FSD1: variants seen among roughly 807,000 people sequenced by gnomAD.
The protein encoded by FSD1 is fibronectin type III and SPRY domain-containing protein 1.
A neutral mutation model predicts 58.2 loss-of-function variants in FSD1; 23 were observed. The observed-to-expected ratio is 0.40, with a 90% confidence interval of 0.28 to 0.56. The LOEUF (loss-of-function observed/expected upper bound fraction) is 0.56. Among genes scored for constraint, FSD1 ranks in the 20% least tolerant of loss-of-function variants. The pLI is 0.54. For missense variants in FSD1, 563 were observed against 670.8 expected (o/e 0.84, Z 1.78); for synonymous variants, 265 against 263.4 (o/e 1.01, Z -0.06).
chr19:4,314,061 C>G (rs968512923), intron 7 of FSD1, among the ~76,000 whole-genome samples: 14 of 152,028 alleles, frequency 9.2e-5, no homozygotes, highest in Admixed American at 8.5e-4. Flanking sequence ...CCATCCTGAT[C>G]CAGGGGAATC....
In FSD1 at chr19:4,313,182, T is replaced by TA. The variant is rs879330817; in HGVS notation, c.700+1145dup. ...GGGTAACAAAGCAAGAGCCCATCTA[T>TA]AAAAAAAAAAAAAATTTAAAGTTAC... On this transcript the variant is annotated intron_variant, in intron 7 of 12. Coordinates refer to ENST00000221856, the MANE Select transcript of FSD1 (RefSeq NM_024333.3). Among the ~76,000 whole-genome samples, 219 of 133,788 alleles carry TA rather than the reference T, an allele frequency of 1.6e-3. 1 individual carries two copies. The highest frequency in any genetic ancestry group is 0.012 in the Middle Eastern group (3 of 246). 87.8% of individuals were successfully genotyped at this position (133,788 alleles called of 152,430 possible). A position where few individuals can be genotyped will look rare whatever the true frequency, so the allele number is the denominator to read the frequency against.
chr19:4,308,657 A>G (rs1971652220), intron 4 of FSD1, among the ~76,000 whole-genome samples: 1 of 152,172 alleles, frequency 6.6e-6, no homozygotes, highest in South Asian at 2.1e-4. Flanking sequence ...GGAGATCAAG[A>G]CCATCCTAAC....
intron 7 of FSD1, among the ~76,000 whole-genome samples, chr19:4,314,114 C>T (rs1332605853): frequency 5.9e-5 from 9 of 152,092 alleles, no homozygotes; most frequent in Admixed American, 5.2e-4. Flanking sequence ...TTAACTATCA[C>T]CATTCACTAG....
At chr19:4,307,820 C>T (rs1425483175) in intron 3 of FSD1, 62 bp from the exon 4 acceptor site, 9 of 1,216,898 alleles carry the variant, frequency 7.4e-6, no homozygotes, top group Non-Finnish European at 1.1e-5. Flanking sequence ...GGGTGGGGAG[C>T]CCTCAGGGGG....
rs918724570 is a variant in FSD1 at position 4,323,047 on chromosome 19, G to A, written c.1101G>A (p.Lys367=). ...AGGTGCGCTACGAGCCGGACAGCAA[G>A]GCGTTCGGCGTGGGCGTGGCCTACC... is the stretch of plus-strand genomic sequence containing the variant. ...YWEVRYEPDS[K]AFGVGVAYRS... The change falls in exon 11 of 13, where the codon AAG becomes AAA. Residue 367 remains lysine, a synonymous_variant. Transcript: ENST00000221856. The surrounding 1 kb of genome is among the most constrained non-coding windows in gnomAD (Gnocchi z 7.7). 2 of 1,612,120 alleles carry A rather than the reference G, an allele frequency of 1.2e-6. No homozygotes were observed. Among genetic ancestry groups the A allele is most frequent in the African/African-American group, 1.3e-5 (1 of 74,980 alleles).
At chr19:4,319,922 GCTC>G (rs1971795862) in intron 10 of FSD1, among the ~76,000 whole-genome samples, 1 of 152,140 alleles carries the variant, frequency 6.6e-6, no homozygotes, top group Non-Finnish European at 1.5e-5. Context: ...AGAAGCTGAA[GCTC>G]ATGGAATAGC....
At chr19:4,314,699 C>G (rs1220146655) in intron 7 of FSD1, among the ~76,000 whole-genome samples, 1 of 152,238 alleles carries the variant, frequency 6.6e-6, no homozygotes, top group Non-Finnish European at 1.5e-5. Context: ...GTTGACCAGG[C>G]TGGTCTCTAA....
intron 4 of FSD1, among the ~76,000 whole-genome samples, chr19:4,309,888 G>C (rs879220810): frequency 7.2e-6 from 1 of 138,838 alleles, no homozygotes; most frequent in Non-Finnish European, 1.5e-5. Context: ...CAGCCTGAAC[G>C]ACAGAGCAAG....
At chr19:4,310,428 G>T in intron 5 of FSD1, 47 bp from the exon 6 acceptor site, 2 of 1,604,740 alleles carry the variant, frequency 1.2e-6, no homozygotes, top group South Asian at 1.1e-5. Flanking sequence ...CGCCACGGAT[G>T]ACCAGGCCTG....
At chr19:4,315,402 G>A (rs1315112304) in intron 7 of FSD1, among the ~76,000 whole-genome samples, 10 of 141,622 alleles carry the variant, frequency 7.1e-5, no homozygotes, top group East Asian at 6.2e-4. Flanking sequence ...TCCGCCTCCC[G>A]GGTTCACGCC....
chr19:4,310,306 G>A lies in FSD1; in HGVS notation c.368+11G>A, dbSNP rs549130691. On this transcript the variant is annotated intron_variant, in intron 5 of 12. Transcript: ENST00000221856. ...GCAAATCAAAGATGGGTAAGACACT[G>A]GGGTCTGGCCCCCACCCCACTACCC... is the stretch of plus-strand genomic sequence containing the variant. 1 of 1,613,916 alleles carries A rather than the reference G, an allele frequency of 6.2e-7. No individual in the cohort carries two copies. Among genetic ancestry groups the A allele is most frequent in the South Asian group, 1.1e-5 (1 of 91,080 alleles).
At chr19:4,307,074 A>G (rs1481675668) in intron 3 of FSD1, among the ~76,000 whole-genome samples, 1 of 147,760 alleles carries the variant, frequency 6.8e-6, no homozygotes, top group Non-Finnish European at 1.5e-5. Context: ...TTTTGTTTTG[A>G]GACAGAGTCT....
intron 4 of FSD1, among the ~76,000 whole-genome samples, chr19:4,308,232 A>G (rs893462334): frequency 6.6e-6 from 1 of 151,866 alleles, no homozygotes; most frequent in African/African-American, 2.4e-5. Context: ...ACACGGGGAA[A>G]CCCCATCTCT....
At chr19:4,318,275 GTC>G in intron 8 of FSD1, 69 bp from the exon 9 acceptor site, 1 of 1,602,058 alleles carries the variant, frequency 6.2e-7, no homozygotes, top group South Asian at 1.1e-5. Flanking sequence ...GTCACTCTCT[GTC>G]TCTCTGTCTC....
chr19:4,306,887 C>T (rs937402169), intron 3 of FSD1, among the ~76,000 whole-genome samples: 2 of 152,162 alleles, frequency 1.3e-5, no homozygotes, highest in African/African-American at 2.4e-5. Context: ...GAAGGTATCA[C>T]CTCCACTCAA....
chr19:4,309,029 C>G (rs547824443), intron 4 of FSD1, among the ~76,000 whole-genome samples: 1 of 152,080 alleles, frequency 6.6e-6, no homozygotes, highest in African/African-American at 2.4e-5. Context: ...GAGCAGAGAT[C>G]GCACCACTGC....
chr19:4,305,898 G>T (rs755678119), intron 1 of FSD1, 48 bp from the exon 2 acceptor site: 1 of 1,347,812 alleles, frequency 7.4e-7, no homozygotes, highest in Non-Finnish European at 1.1e-6. Flanking sequence ...ACCTGTGTGC[G>T]CACATGTGTG....
intron 10 of FSD1, among the ~76,000 whole-genome samples, chr19:4,321,228 T>A (rs1487729438): frequency 3.0e-5 from 4 of 135,296 alleles, no homozygotes; most frequent in Admixed American, 1.6e-4. Context: ...CTGGGGGGAA[T>A]AGCTGGGACT....
At chr19:4,306,075 G>C in intron 2 of FSD1, 34 bp downstream of exon 2, 1 of 1,606,656 alleles carries the variant, frequency 6.2e-7, no homozygotes, top group South Asian at 1.1e-5. Context: ...GGGAGGTAAG[G>C]GGAGGGGAGG....
Sources: allele counts gnomAD v4.1 joint callset (sites outside exome capture counted in the v4.1 genomes callset), GRCh38; gene constraint gnomAD v4.1.1; non-coding constraint Gnocchi (gnomAD v3.1); transcripts MANE v1.5; gene names NCBI Gene and HGNC (gene_info 2026-07-23, HGNC 2026-07-21).